The following TENM4 variants were observed in gnomAD, a reference collection of about 807,000 sequenced individuals.
TENM4 encodes the protein teneurin transmembrane protein 4.
A neutral mutation model predicts 243.3 loss-of-function variants in TENM4; 82 were observed. That is an observed-to-expected ratio of 0.34 (90% confidence interval 0.28 to 0.40). TENM4 has a LOEUF of 0.40. Ranked by LOEUF, TENM4 falls within the 10% of genes least tolerant of loss-of-function variation. The probability of loss-of-function intolerance (pLI) is 1.00; values close to 1 mark genes in which losing one functional copy is unlikely to be tolerated. For missense variants in TENM4, 3,138 were observed against 3,673.3 expected (o/e 0.85, Z 3.77); for synonymous variants, 1,412 against 1,456.3 (o/e 0.97, Z 0.69).
chr11:79,336,130 A>G (rs149099617), intron 1 of TENM4, among the ~76,000 whole-genome samples: 2,646 of 151,966 alleles, frequency 0.017, 56 homozygotes, highest in Middle Eastern at 0.027. Context: ...CTAAATGGGG[A>G]AAAAAAATGT....
intron 17 of TENM4, among the ~76,000 whole-genome samples, chr11:78,777,478 T>C (rs1363250368): frequency 2.6e-5 from 4 of 152,240 alleles, no homozygotes; most frequent in African/African-American, 4.8e-5. Flanking sequence ...ATTTAGCTAA[T>C]GAAGTCCTTC....
chr11:78,912,580 A>T (rs990908947), intron 6 of TENM4, among the ~76,000 whole-genome samples: 2 of 152,180 alleles, frequency 1.3e-5, no homozygotes, highest in African/African-American at 4.8e-5. Context: ...TAAAGCTAAG[A>T]GTAGTCATAA....
rs1298416437 is a variant in TENM4, at chr11:78,652,936, C to A, written c.*5122G>T. 3 of 152,200 alleles carry A rather than the reference C, an allele frequency of 2.0e-5. No homozygotes were observed. Among genetic ancestry groups the A allele is most frequent in the Non-Finnish European group, 4.4e-5 (3 of 68,056 alleles). 9.4% of individuals were successfully genotyped at this position (152,200 alleles called of 1,614,324 possible). The stretch of plus-strand genomic sequence containing the variant: ...GTGTGCCCAGTGGTGGAGCAAGGCT[C>A]CCTCCTCTGGGAGGGTTGGGTTCGT... On this transcript the variant is annotated 3_prime_UTR_variant, in exon 34 of 34. Transcript: ENST00000278550.
chr11:79,119,842 A>G (rs1164748338), intron 4 of TENM4, among the ~76,000 whole-genome samples: 10 of 152,312 alleles, frequency 6.6e-5, no homozygotes. Flanking sequence ...GCTCTGGTAA[A>G]CTAGAGCTTG....
At chr11:79,082,401 T>G (rs1860698564) in intron 4 of TENM4, among the ~76,000 whole-genome samples, 1 of 152,094 alleles carries the variant, frequency 6.6e-6, no homozygotes, top group Non-Finnish European at 1.5e-5. Context: ...AGCTAAGGCT[T>G]GGGGGGTTGT....
intron 17 of TENM4, among the ~76,000 whole-genome samples, chr11:78,777,767 C>T (rs892730623): frequency 6.6e-6 from 1 of 152,070 alleles, no homozygotes; most frequent in Non-Finnish European, 1.5e-5. Context: ...ACATTTTGTA[C>T]CAGGTGCTGT....
At chr11:79,311,882 G>A (rs181511618) in intron 1 of TENM4, among the ~76,000 whole-genome samples, 11 of 152,204 alleles carry the variant, frequency 7.2e-5, no homozygotes, top group Admixed American at 5.9e-4. Flanking sequence ...TTGGAATTCC[G>A]TGATGTTCAG....
chr11:79,127,141 A>T (rs917123657), intron 4 of TENM4, among the ~76,000 whole-genome samples: 2 of 152,222 alleles, frequency 1.3e-5, no homozygotes, highest in Non-Finnish European at 2.9e-5. Context: ...GAACTCCCAC[A>T]TTGGCTCCCT....
intron 12 of TENM4, among the ~76,000 whole-genome samples, chr11:78,843,317 CAAA>C (rs1311688645): frequency 6.6e-6 from 1 of 151,660 alleles, no homozygotes; most frequent in Non-Finnish European, 1.5e-5. Context: ...CCTACTTCTA[CAAA>C]AAATAATTTT....
intron 10 of TENM4, among the ~76,000 whole-genome samples, chr11:78,862,103 G>A (rs191836123): frequency 7.3e-4 from 111 of 152,302 alleles, no homozygotes; most frequent in African/African-American, 2.3e-3. Flanking sequence ...ATCATTGATA[G>A]GAAATATCCA....
intron 4 of TENM4, among the ~76,000 whole-genome samples, chr11:79,082,035 A>G (rs1166444355): frequency 2.0e-5 from 3 of 152,168 alleles, no homozygotes; most frequent in Non-Finnish European, 4.4e-5. Context: ...CACCTGGATC[A>G]TTAACTTCAT....
chr11:79,182,513 G>A (rs56921367), intron 3 of TENM4, among the ~76,000 whole-genome samples: 11,960 of 152,122 alleles, frequency 0.079, 1,012 homozygotes, highest in East Asian at 0.41. Flanking sequence ...TCTTGGATAC[G>A]GTGATAATTT....
intron 12 of TENM4, among the ~76,000 whole-genome samples, chr11:78,827,848 T>C (rs987584670): frequency 7.9e-5 from 12 of 152,198 alleles, no homozygotes; most frequent in African/African-American, 2.4e-4. Flanking sequence ...CCTAGCAAGA[T>C]AGAGCTCTCA....
chr11:79,160,530 C>A (rs535871124), intron 3 of TENM4, among the ~76,000 whole-genome samples: 1 of 152,154 alleles, frequency 6.6e-6, no homozygotes, highest in African/African-American at 2.4e-5. Flanking sequence ...CGGAGAGCAG[C>A]AGACTTGGGG....
chr11:78,875,348 C>T (rs1473631795), intron 9 of TENM4, among the ~76,000 whole-genome samples: 2 of 152,138 alleles, frequency 1.3e-5, no homozygotes, highest in Non-Finnish European at 2.9e-5. Flanking sequence ...AGATTACATG[C>T]GTGCACCACC....
intron 9 of TENM4, among the ~76,000 whole-genome samples, chr11:78,879,622 G>A (rs1272296104): frequency 2.3e-5 from 3 of 129,234 alleles, no homozygotes; most frequent in Non-Finnish European, 4.9e-5. Flanking sequence ...CGGCCGCCCC[G>A]TCTGGGAGGT....
chr11:78,905,976 A>G (rs552065428), intron 6 of TENM4, among the ~76,000 whole-genome samples: 2 of 152,362 alleles, frequency 1.3e-5, no homozygotes, highest in South Asian at 4.1e-4. Context: ...TGTTCTTCCC[A>G]GCCTTGGCCT....
intron 26 of TENM4, 141 bp from the exon 27 acceptor site, chr11:78,708,656 AGAG>A (rs970997732): frequency 1.7e-5 from 17 of 1,023,350 alleles, no homozygotes; most frequent in Middle Eastern, 2.8e-4. Context: ...CCTCTCTCAA[AGAG>A]GAGGAGTCTC....
In TENM4 at chr11:79,411,529, A is replaced by C. The variant is rs182327264; in HGVS notation, c.-321+28980T>G. On this transcript the variant is annotated intron_variant, in intron 1 of 33. Coordinates refer to ENST00000278550, the MANE Select transcript of TENM4 (RefSeq NM_001098816.3). ...AAAGCCTATGCTGCACTTAGGCTAC[A>C]CCACCCTCCTGGCCTTGCGCTGCAG... Among the ~76,000 whole-genome samples, 493 of 152,288 alleles carry C rather than the reference A, an allele frequency of 3.2e-3. 1 individual carries two copies. Among genetic ancestry groups the C allele is most frequent in the Admixed American group, 6.6e-3 (101 of 15,294 alleles).
Sources: allele counts gnomAD v4.1 joint callset (sites outside exome capture counted in the v4.1 genomes callset), GRCh38; gene constraint gnomAD v4.1.1; transcripts MANE v1.5; gene names NCBI Gene and HGNC (gene_info 2026-07-23, HGNC 2026-07-21).